Variants in SUMF1 observed in about 807,000 individuals in gnomAD.
SUMF1 encodes sulfatase modifying factor 1, also known as formylglycine-generating enzyme.
In SUMF1, 48 loss-of-function variants were observed where a neutral mutation model predicts 47.6. The ratio of observed to expected loss-of-function variants is 1.01; its 90% CI spans 0.80 to 1.28. The LOEUF is 1.28. SUMF1 is among the 50% of genes most tolerant of loss of function. The probability of loss-of-function intolerance (pLI) is 0.00; values close to 1 mark genes in which losing one functional copy is unlikely to be tolerated. For synonymous variants in SUMF1, 230 were observed against 192.1 expected, an observed-to-expected ratio of 1.20 and a Z score of -1.63; for missense variants, 571 against 485.4, an observed-to-expected ratio of 1.18 and a Z score of -1.66.
At chr3:4,412,612 C>G (rs2582341) in intron 6 of SUMF1, among the ~76,000 whole-genome samples, 39,774 of 152,086 alleles carry the variant, frequency 0.26, 6,292 homozygotes, top group Non-Finnish European at 0.36. Context: ...GGCCAGGTGC[C>G]GTGGCTCATG....
At chr3:4,072,205 G>A (rs1452415378) in intron 8 of SUMF1, among the ~76,000 whole-genome samples, 1 of 152,170 alleles carries the variant, frequency 6.6e-6, no homozygotes, top group Non-Finnish European at 1.5e-5. Flanking sequence ...TAAGTGGCCT[G>A]ACTGTCAGAA....
chr3:4,420,315 T>A (rs1194745679), intron 3 of SUMF1, among the ~76,000 whole-genome samples, 169 bp from the exon 4 acceptor site: 7 of 151,484 alleles, frequency 4.6e-5, no homozygotes, highest in Admixed American at 4.6e-4. Flanking sequence ...AATAAATCTT[T>A]AACAAAAAAA....
At chr3:4,303,377 G>A (rs757728412) in intron 8 of SUMF1, 6 of 1,548,778 alleles carry the variant, frequency 3.9e-6, no homozygotes, top group South Asian at 1.2e-5. Context: ...GTAAATGTTC[G>A]CGGAAGCGGC....
intron 8 of SUMF1, among the ~76,000 whole-genome samples, chr3:4,164,949 C>T (rs766767103): frequency 3.3e-5 from 5 of 152,108 alleles, no homozygotes; most frequent in South Asian, 2.1e-4. Flanking sequence ...CGGACATCAT[C>T]GAATAATTCA....
At chr3:4,115,544 G>C (rs1425062496) in intron 8 of SUMF1, among the ~76,000 whole-genome samples, 2 of 146,552 alleles carry the variant, frequency 1.4e-5, no homozygotes, top group African/African-American at 2.6e-5. Context: ...TGGGGTCAGA[G>C]CCCAAAAACG....
At chr3:4,239,362 G>C (rs561504232) in intron 8 of SUMF1, among the ~76,000 whole-genome samples, 94 of 152,202 alleles carry the variant, frequency 6.2e-4, no homozygotes, top group Non-Finnish European at 9.9e-4. Flanking sequence ...GATTACTTTG[G>C]GCAGTATGGC....
At chr3:4,408,427 T>G (rs1489232479) in intron 7 of SUMF1, among the ~76,000 whole-genome samples, 1 of 152,186 alleles carries the variant, frequency 6.6e-6, no homozygotes, top group Non-Finnish European at 1.5e-5. Flanking sequence ...TATTCTGAAT[T>G]TTTGTAACAC....
intron 9 of SUMF1, among the ~76,000 whole-genome samples, chr3:4,054,893 G>A (rs1416397337): frequency 2.0e-5 from 3 of 152,132 alleles, no homozygotes; most frequent in Non-Finnish European, 1.5e-5. Flanking sequence ...GTATCCCCAT[G>A]TTACAATGAA....
downstream of SUMF1, among the ~76,000 whole-genome samples, chr3:4,357,525 C>G (rs1699646457): frequency 6.6e-6 from 1 of 151,680 alleles, no homozygotes; most frequent in Non-Finnish European, 1.5e-5. Context: ...TAGAATTTAC[C>G]CATGCACTAC....
intron 8 of SUMF1, among the ~76,000 whole-genome samples, chr3:4,152,829 G>C (rs751628624): frequency 6.6e-6 from 1 of 151,366 alleles, no homozygotes; most frequent in Non-Finnish European, 1.5e-5. Context: ...CTCCAAAAGC[G>C]CTATTGAGTA....
At chr3:4,460,151 G>C (rs533940334) in intron 1 of SUMF1, among the ~76,000 whole-genome samples, 1 of 152,282 alleles carries the variant, frequency 6.6e-6, no homozygotes, top group South Asian at 2.1e-4. Flanking sequence ...TGTCATTAGC[G>C]TGAAAGTAGG....
intron 8 of SUMF1, among the ~76,000 whole-genome samples, chr3:4,329,635 T>G (rs560315515): frequency 6.6e-6 from 1 of 152,330 alleles, no homozygotes; most frequent in African/African-American, 2.4e-5. Context: ...AGGTTTCTGA[T>G]GGGAGGGGCT....
At chr3:4,428,264 T>C (rs1335702887) in intron 3 of SUMF1, among the ~76,000 whole-genome samples, 2 of 152,070 alleles carry the variant, frequency 1.3e-5, no homozygotes, top group African/African-American at 2.4e-5. Flanking sequence ...TACCCACATA[T>C]CCCAAGAAAA....
intron 8 of SUMF1, among the ~76,000 whole-genome samples, chr3:4,269,106 G>T (rs1178570972): frequency 6.6e-6 from 1 of 152,002 alleles, no homozygotes; most frequent in Non-Finnish European, 1.5e-5. Context: ...GCCTCATACT[G>T]CTGTACAGCA....
intron 8 of SUMF1, among the ~76,000 whole-genome samples, chr3:4,347,068 G>T (rs1207192077): frequency 6.6e-6 from 1 of 152,112 alleles, no homozygotes; most frequent in Non-Finnish European, 1.5e-5. Flanking sequence ...AAAAGCCCAG[G>T]ACCAGACAGA....
At chr3:4,214,580 G>A (rs928368096) in intron 8 of SUMF1, among the ~76,000 whole-genome samples, 2 of 152,206 alleles carry the variant, frequency 1.3e-5, no homozygotes, top group East Asian at 1.9e-4. Context: ...AGGAGACAGA[G>A]ACACGAAAAA....
At chr3:4,319,501 C>T (rs893230574) in intron 8 of SUMF1, among the ~76,000 whole-genome samples, 2 of 152,162 alleles carry the variant, frequency 1.3e-5, no homozygotes, top group African/African-American at 2.4e-5. Context: ...ATGTGGTGAT[C>T]TGGTGAGTTT....
intron 8 of SUMF1, among the ~76,000 whole-genome samples, chr3:4,104,666 T>TTCTCTCTCTCTCTCTCTCTC (rs111963235): frequency 6.8e-6 from 1 of 146,752 alleles, no homozygotes; most frequent in Admixed American, 6.8e-5. Context: ...AAATCTCGAT[T>TTCTCTCTCTCTCTCTCTCTC]TCTCTCTCTC....
At chr3:4,423,007 C>T (rs1308726756) in intron 3 of SUMF1, among the ~76,000 whole-genome samples, 1 of 152,094 alleles carries the variant, frequency 6.6e-6, no homozygotes, top group African/African-American at 2.4e-5. Context: ...TAGCTTAGCT[C>T]CCACTTATAA....
Sources: gnomAD v4.1 joint callset for allele counts (sites outside exome capture counted in the v4.1 genomes callset) on GRCh38, gnomAD v4.1.1 for gene constraint, MANE v1.5 for transcripts, NCBI Gene and HGNC (gene_info 2026-07-23, HGNC 2026-07-21) for gene names.